GLG1: variants seen among roughly 807,000 people sequenced by gnomAD.
GLG1 encodes golgi glycoprotein 1.
In GLG1, 38 loss-of-function variants were observed where a neutral mutation model predicts 160.5. The observed-to-expected ratio is 0.24, with a 90% CI of 0.18 to 0.31. GLG1 has a LOEUF of 0.31. GLG1 is among the 10% of genes least tolerant of loss of function. The pLI, the probability that GLG1 is intolerant of heterozygous loss-of-function variation, is 1.00. For synonymous variants in GLG1, 644 were observed against 543.4 expected, an observed-to-expected ratio of 1.19 and a Z score of -2.57; for missense variants, 1,373 against 1,505.2, an observed-to-expected ratio of 0.91 and a Z score of 1.45.
intron 4 of GLG1, among the ~76,000 whole-genome samples, chr16:74,499,571 G>A (rs548315374): frequency 6.6e-6 from 1 of 152,328 alleles, no homozygotes; most frequent in Non-Finnish European, 1.5e-5. Flanking sequence ...TAGGTGTGTA[G>A]TAGGCTATAC....
chr16:74,453,491 C>T (rs556677136), intron 25 of GLG1, among the ~76,000 whole-genome samples, 157 bp from the exon 26 acceptor site: 29 of 152,294 alleles, frequency 1.9e-4, no homozygotes, highest in Admixed American at 1.2e-3. Flanking sequence ...AGCTACAACT[C>T]TTTTTCCTGA....
At chr16:74,578,785 C>A (rs943480586) in intron 1 of GLG1, among the ~76,000 whole-genome samples, 4 of 152,152 alleles carry the variant, frequency 2.6e-5, no homozygotes, top group African/African-American at 9.7e-5. Context: ...TTAAAATCTT[C>A]CCCAATACAA....
intron 1 of GLG1, among the ~76,000 whole-genome samples, chr16:74,535,814 G>C (rs1453669155): frequency 6.6e-6 from 1 of 152,096 alleles, no homozygotes; most frequent in Non-Finnish European, 1.5e-5. Context: ...TATGATGTTA[G>C]GTCTTTGAGA....
At chr16:74,536,705 G>A (rs1292024296) in intron 1 of GLG1, among the ~76,000 whole-genome samples, 3 of 152,000 alleles carry the variant, frequency 2.0e-5, no homozygotes, top group South Asian at 2.1e-4. Context: ...ATGTTTTAAC[G>A]TATTTTTATA....
At chr16:74,454,700 A>AAAT (rs2014463357) in intron 25 of GLG1, among the ~76,000 whole-genome samples, 2 of 76,168 alleles carry the variant, frequency 2.6e-5, no homozygotes, top group African/African-American at 4.8e-5. Flanking sequence ...AAAAAAAAAA[A>AAAT]TTTTTTTTTT....
At chr16:74,602,872 A>C (rs925502358) in intron 1 of GLG1, among the ~76,000 whole-genome samples, 1 of 151,904 alleles carries the variant, frequency 6.6e-6, no homozygotes, top group Non-Finnish European at 1.5e-5. Flanking sequence ...TGTGTAAGAA[A>C]ATCTATGGGG....
intron 2 of GLG1, among the ~76,000 whole-genome samples, chr16:74,510,572 A>AG (rs904691851): frequency 1.3e-5 from 2 of 152,094 alleles, no homozygotes; most frequent in African/African-American, 4.8e-5. Context: ...TCATTTTTGG[A>AG]GGGGGGTACA....
chr16:74,512,926 A>T (rs556571019), intron 2 of GLG1, among the ~76,000 whole-genome samples: 1 of 152,278 alleles, frequency 6.6e-6, no homozygotes, highest in Admixed American at 6.5e-5. Context: ...AGGGATAAGA[A>T]GCAATTTAGT....
chr16:74,471,128 A>G, intron 15 of GLG1, 45 bp downstream of exon 15: 1 of 984,152 alleles, frequency 1.0e-6, no homozygotes, highest in African/African-American at 1.6e-5. Flanking sequence ...TTCAGTCAAC[A>G]TCCAGGCAGC....
chr16:74,604,728 A>C (rs1958524538), intron 1 of GLG1, among the ~76,000 whole-genome samples: 1 of 152,210 alleles, frequency 6.6e-6, no homozygotes, highest in Non-Finnish European at 1.5e-5. Flanking sequence ...GACTAAGCAG[A>C]ATGAAATTTC....
At chr16:74,512,913 C>T (rs182759144) in intron 2 of GLG1, among the ~76,000 whole-genome samples, 12 of 152,174 alleles carry the variant, frequency 7.9e-5, no homozygotes, top group Admixed American at 3.3e-4. Context: ...GGGCTTGATC[C>T]TCAGGGATAA....
At chr16:74,534,005 C>G (rs933828161) in intron 1 of GLG1, among the ~76,000 whole-genome samples, 4 of 151,900 alleles carry the variant, frequency 2.6e-5, no homozygotes, top group African/African-American at 9.7e-5. Context: ...AAAAGGTTTC[C>G]CTATGGAATT....
Position 74,457,897 on chromosome 16 carries a change from G to C in GLG1, c.3242C>G (p.Ala1081Gly). Residue 1081 changes from alanine (A) to glycine (G), a missense_variant, in exon 24 of 26, where the codon GCC (alanine) becomes GGC (glycine). Ala to Gly is a moderately conservative substitution (Grantham distance 60, BLOSUM62 0). This residue lies in a region of GLG1 where 491 missense variants were observed against 632.1 expected (regional missense o/e 0.78). Transcript: ENST00000422840. ...CALDIKHHCA[A>G]ITPGRGRQMS... is the part of the protein sequence containing the mutation. ...ACGACGCCCGCGGCCAGGGGTGATGGCTGCGCAGTGGTGTTTAATGTCCAG... is the reference window on the plus strand; with the variant it reads ...ACGACGCCCGCGGCCAGGGGTGATGCCTGCGCAGTGGTGTTTAATGTCCAG... The C allele has an allele frequency of 6.2e-7, 1 of 1,613,968 alleles. No individual in the cohort carries two copies. Among genetic ancestry groups the C allele is most frequent in the Non-Finnish European group, 8.5e-7 (1 of 1,179,878 alleles).
rs770175823 is a variant in GLG1, at chr16:74,459,761, G to A, written c.3065C>T (p.Ala1022Val). 3 of 1,606,814 alleles carry A rather than the reference G, an allele frequency of 1.9e-6. No individual in the cohort carries two copies. The South Asian group carries it at 3.3e-5, about 18-fold the overall frequency. Residue 1022 changes from alanine (A) to valine (V), a missense_variant, in exon 23 of 26, where the codon GCA (alanine) becomes GTA (valine). Transcript: ENST00000422840. ...CACCTGACCTGTCTGCTCTTGGGCT[G>A]CTGCTTCTTCAGCACATAGACTGGA... Reference protein sequence around the residue: ...EISSLCAEEAAAQEQTGQVEE... With the variant: ...EISSLCAEEAVAQEQTGQVEE...
chr16:74,606,392 G>A (rs1449409070), intron 1 of GLG1, among the ~76,000 whole-genome samples: 1 of 152,162 alleles, frequency 6.6e-6, no homozygotes, highest in Non-Finnish European at 1.5e-5. Context: ...ACACGCTCTG[G>A]GCCTCGGCGG....
At chr16:74,517,387 G>A (rs1203723489) in intron 2 of GLG1, among the ~76,000 whole-genome samples, 1 of 152,148 alleles carries the variant, frequency 6.6e-6, no homozygotes, top group Non-Finnish European at 1.5e-5. Flanking sequence ...ATGCAAGGCT[G>A]GTTCAACATA....
chr16:74,555,433 T>A (rs2018325122), intron 1 of GLG1, among the ~76,000 whole-genome samples: 1 of 152,076 alleles, frequency 6.6e-6, no homozygotes, highest in South Asian at 2.1e-4. Context: ...ACACCTATAA[T>A]CCCAGCATTT....
At position 74,472,631 on chromosome 16, in the gene GLG1, C is replaced by T. The variant is rs1006181405; in HGVS notation, c.2053-220G>A. 7.0e-5 allele frequency: 95 copies of T among 1,347,996 alleles called. 1 individual carries two copies. Among genetic ancestry groups the T allele is most frequent in the Admixed American group, 5.2e-4 (25 of 48,520 alleles). 83.5% of individuals were successfully genotyped at this position (1,347,996 alleles called of 1,614,324 possible). On this transcript the variant is annotated intron_variant, in intron 13 of 25. Coordinates refer to ENST00000422840, the MANE Select transcript of GLG1 (RefSeq NM_001145667.2). ...AAATTTTTAAAGACATATTCCCTTT[C>T]GGCCTGAACAAATGAGAAGGCAGAA... is the stretch of plus-strand genomic sequence containing the variant.
chr16:74,542,599 A>G (rs1437721608), intron 1 of GLG1, among the ~76,000 whole-genome samples: 1 of 149,550 alleles, frequency 6.7e-6, no homozygotes. Context: ...TTGAACCCAG[A>G]AGGCGGAAGT....
Sources: allele counts gnomAD v4.1 joint callset (sites outside exome capture counted in the v4.1 genomes callset), GRCh38; gene constraint gnomAD v4.1.1; regional missense constraint gnomAD v4.1.1; transcripts MANE v1.5; gene names NCBI Gene and HGNC (gene_info 2026-07-23, HGNC 2026-07-21).